The following CDH8 variants were observed in gnomAD, a reference collection of about 807,000 sequenced individuals.
CDH8 encodes cadherin 8.
CDH8 carries 17 observed loss-of-function variants against 68.1 expected under a neutral mutation model. The observed-to-expected ratio is 0.25, with a 90% CI of 0.17 to 0.37. The LOEUF (loss-of-function observed/expected upper bound fraction) is 0.37, where lower values mean the gene tolerates loss of function less well. Among genes scored for constraint, CDH8 ranks in the 10% least tolerant of loss-of-function variants. The probability of loss-of-function intolerance (pLI) is 1.00; values close to 1 mark genes in which losing one functional copy is unlikely to be tolerated. For missense variants in CDH8, 763 were observed against 999.3 expected (o/e 0.76, Z 3.19); for synonymous variants, 372 against 365.1 (o/e 1.02, Z -0.21).
rs1040209473 is a variant in CDH8, at chr16:61,648,613, A to T, written c.*4995T>A. 6.8e-5 allele frequency: 8 copies of T among 117,444 alleles called. No individual in the cohort carries two copies. Among genetic ancestry groups the T allele is most frequent in the Admixed American group, 9.3e-5 (1 of 10,790 alleles). 7.3% of individuals were successfully genotyped at this position (117,444 alleles called of 1,614,324 possible). Reference sequence around the variant, plus strand: ...ACTCAAATAGTATTTATCCATAGATAAAAAAAAAATTCAACAATTAGTTCT... The same window carrying T: ...ACTCAAATAGTATTTATCCATAGATTAAAAAAAAATTCAACAATTAGTTCT... On this transcript the variant is annotated 3_prime_UTR_variant, in exon 12 of 12. Coordinates refer to ENST00000577390, the MANE Select transcript of CDH8 (RefSeq NM_001796.5).
chr16:61,923,026 C>G (rs1022479234), intron 2 of CDH8, among the ~76,000 whole-genome samples: 1 of 152,206 alleles, frequency 6.6e-6, no homozygotes, highest in South Asian at 2.1e-4. Context: ...ATAATTTATG[C>G]AGTCTGGCAA....
intron 8 of CDH8, among the ~76,000 whole-genome samples, chr16:61,737,970 C>G (rs1044594693): frequency 2.6e-5 from 4 of 152,126 alleles, no homozygotes; most frequent in African/African-American, 9.7e-5. Context: ...TCCTTGAAAT[C>G]CCAGTCATAT....
intron 3 of CDH8, among the ~76,000 whole-genome samples, chr16:61,864,058 T>C (rs563864499): frequency 1.3e-5 from 2 of 152,272 alleles, no homozygotes; most frequent in East Asian, 1.9e-4. Context: ...ACAACCTTTT[T>C]TGGGTTGTTG....
chr16:61,813,742 A>G (rs558408138), intron 7 of CDH8, among the ~76,000 whole-genome samples: 1 of 152,172 alleles, frequency 6.6e-6, no homozygotes, highest in South Asian at 2.1e-4. Context: ...CTGCGTACCT[A>G]AATTTTCCTT....
In CDH8 at chr16:61,650,630, A is replaced by C. The variant is rs1963298291; in HGVS notation, c.*2978T>G. The C allele has an allele frequency of 6.6e-6, 1 of 151,684 alleles. No homozygotes were observed. The highest frequency in any genetic ancestry group is 1.5e-5 in the Non-Finnish European group (1 of 67,934). The allele number at this position is 151,684 out of a possible 1,614,324, so 9.4% of individuals were successfully genotyped here. On this transcript the variant is annotated 3_prime_UTR_variant, in exon 12 of 12. Transcript: ENST00000577390. ...AAAGTCCTGGCAAGTCTATTGCTAA[A>C]GTAAAACTTCAAGTCAAAATGTGTG...
intron 7 of CDH8, among the ~76,000 whole-genome samples, chr16:61,807,355 G>A (rs1961813964): frequency 6.7e-6 from 1 of 149,670 alleles, no homozygotes; most frequent in Admixed American, 6.7e-5. Flanking sequence ...ATAGCATTGG[G>A]AGATATACCT....
At chr16:61,657,343 T>G (rs1963467907) in intron 10 of CDH8, among the ~76,000 whole-genome samples, 2 of 152,150 alleles carry the variant, frequency 1.3e-5, no homozygotes, top group South Asian at 4.1e-4. Flanking sequence ...GTTTAAGATA[T>G]AAACAGGCCT....
intron 10 of CDH8, among the ~76,000 whole-genome samples, chr16:61,688,729 G>A (rs966929253): frequency 6.6e-6 from 1 of 151,978 alleles, no homozygotes. Context: ...ACCTCAGGTA[G>A]ATGGACAAGG....
intron 9 of CDH8, among the ~76,000 whole-genome samples, chr16:61,715,959 A>C (rs1964722909): frequency 6.6e-6 from 1 of 151,650 alleles, no homozygotes; most frequent in Non-Finnish European, 1.5e-5. Context: ...GGCAATTATA[A>C]AGAAGACAGG....
intron 7 of CDH8, among the ~76,000 whole-genome samples, chr16:61,800,787 G>A (rs949158138): frequency 1.6e-4 from 24 of 149,526 alleles, no homozygotes; most frequent in African/African-American, 5.3e-4. Flanking sequence ...GCAATATTAT[G>A]TTTTCCTCTG....
At chr16:61,804,701 A>T (rs965707583) in intron 7 of CDH8, among the ~76,000 whole-genome samples, 1 of 150,148 alleles carries the variant, frequency 6.7e-6, no homozygotes, top group African/African-American at 2.5e-5. Context: ...CTCTGCGCAA[A>T]TAAACTAGAA....
chr16:61,721,109 A>AAT (rs572042645), intron 9 of CDH8, among the ~76,000 whole-genome samples: 7 of 150,388 alleles, frequency 4.7e-5, no homozygotes, highest in East Asian at 3.9e-4. Context: ...CAAACCCTCC[A>AAT]ATATATATAT....
rs568288244 is a variant in CDH8, at chr16:62,028,756, G to A, written c.-199-7154C>T. On this transcript the variant is annotated intron_variant, in intron 1 of 11. Transcript: ENST00000577390. The stretch of plus-strand genomic sequence containing the variant: ...GATCATCCTAAAAAAAAAAAAACGA[G>A]TATCAGTCCCACAACTCCCTTGCCA... Among the ~76,000 whole-genome samples, 7 of 150,986 alleles carry A rather than the reference G, an allele frequency of 4.6e-5. No individual in the cohort carries two copies. The East Asian group carries it at 7.8e-4, about 17-fold the overall frequency.
chr16:61,737,541 G>A (rs760156568), intron 8 of CDH8, among the ~76,000 whole-genome samples: 1 of 152,090 alleles, frequency 6.6e-6, no homozygotes, highest in Non-Finnish European at 1.5e-5. Flanking sequence ...GTGGGGTTAA[G>A]CTCTCAATGA....
chr16:61,961,453 C>T (rs956421072), intron 2 of CDH8, among the ~76,000 whole-genome samples: 3 of 152,128 alleles, frequency 2.0e-5, no homozygotes, highest in African/African-American at 7.2e-5. Context: ...CTTTCCTTGT[C>T]CTCTCTCTTT....
chr16:61,812,968 C>G (rs1015613801), intron 7 of CDH8, among the ~76,000 whole-genome samples: 1 of 152,110 alleles, frequency 6.6e-6, no homozygotes, highest in Non-Finnish European at 1.5e-5. Flanking sequence ...TGAGATAATA[C>G]ATAATAGGAG....
At chr16:61,715,542 GTCA>G (rs143381531) in intron 9 of CDH8, among the ~76,000 whole-genome samples, 2,411 of 151,540 alleles carry the variant, frequency 0.016, 69 homozygotes, top group African/African-American at 0.055. Flanking sequence ...TAAAATTTTA[GTCA>G]TCATATCATT....
chr16:61,837,696 A>G (rs1378168161), intron 4 of CDH8, among the ~76,000 whole-genome samples: 1 of 152,098 alleles, frequency 6.6e-6, no homozygotes, highest in Non-Finnish European at 1.5e-5. Context: ...AGAGAGTGTT[A>G]CTTGCAGACA....
chr16:61,749,644 A>G (rs988402250), intron 8 of CDH8, among the ~76,000 whole-genome samples: 26 of 152,036 alleles, frequency 1.7e-4, no homozygotes, highest in Non-Finnish European at 2.4e-4. Flanking sequence ...GCTTGAATGA[A>G]ATTATATATA....
Sources: allele counts gnomAD v4.1 joint callset (sites outside exome capture counted in the v4.1 genomes callset), GRCh38; gene constraint gnomAD v4.1.1; transcripts MANE v1.5; gene names NCBI Gene and HGNC (gene_info 2026-07-23, HGNC 2026-07-21).